TMEM232: variants seen among roughly 807,000 people sequenced by gnomAD.
The protein encoded by TMEM232 is transmembrane protein 232.
TMEM232 carries 80 observed loss-of-function variants against 78.8 expected under a neutral mutation model. The observed-to-expected ratio is 1.01, with a 90% CI of 0.85 to 1.22. The LOEUF (loss-of-function observed/expected upper bound fraction) is 1.22. Among genes scored for constraint, TMEM232 ranks in the 50% most tolerant of loss-of-function variants. TMEM232 has a pLI of 0.00. For synonymous variants in TMEM232, 297 were observed against 254.3 expected, an observed-to-expected ratio of 1.17 and a Z score of -1.60; for missense variants, 881 against 742.2, an observed-to-expected ratio of 1.19 and a Z score of -2.17.
chr5:110,421,543 T>A (rs188753126), intron 13 of TMEM232, among the ~76,000 whole-genome samples: 2 of 152,124 alleles, frequency 1.3e-5, no homozygotes, highest in Admixed American at 1.3e-4. Flanking sequence ...TGACTCCTAG[T>A]ATGCAATATT....
chr5:110,412,880 T>A (rs1160304283), intron 2 of TMEM232, among the ~76,000 whole-genome samples: 1 of 152,202 alleles, frequency 6.6e-6, no homozygotes, highest in Non-Finnish European at 1.5e-5. Context: ...ATTAATTTTT[T>A]AAAAAAGTTT....
At chr5:110,625,072 T>C (rs1018778402) in intron 7 of TMEM232, among the ~76,000 whole-genome samples, 195 bp downstream of exon 7, 5 of 152,054 alleles carry the variant, frequency 3.3e-5, no homozygotes, top group Admixed American at 2.0e-4. Context: ...TACCTCCTAC[T>C]CATCCTATTA....
intron 12 of TMEM232, among the ~76,000 whole-genome samples, chr5:110,491,472 A>G (rs1765089690): frequency 6.6e-6 from 1 of 152,020 alleles, no homozygotes; most frequent in Non-Finnish European, 1.5e-5. Context: ...AAAAGAAAGT[A>G]GATGAGTGGC....
At chr5:110,639,877 G>A (rs994606205) in intron 4 of TMEM232, among the ~76,000 whole-genome samples, 1 of 152,176 alleles carries the variant, frequency 6.6e-6, no homozygotes, top group Non-Finnish European at 1.5e-5. Flanking sequence ...CTGCTGATCC[G>A]ACAGGAGGTG....
chr5:110,640,738 A>G (rs951022601), intron 4 of TMEM232, 153 bp downstream of exon 4: 4 of 428,348 alleles, frequency 9.3e-6, no homozygotes, highest in Non-Finnish European at 1.6e-5. Flanking sequence ...ATTCAAAATT[A>G]CAAAATGAAT....
At chr5:110,649,982 T>C (rs950479222) in intron 2 of TMEM232, among the ~76,000 whole-genome samples, 54 of 152,066 alleles carry the variant, frequency 3.6e-4, no homozygotes, top group Non-Finnish European at 7.1e-4. Flanking sequence ...AATAGAAATA[T>C]TTCATGAGTT....
intron 2 of TMEM232, among the ~76,000 whole-genome samples, chr5:110,398,421 G>T (rs926466470): frequency 6.6e-6 from 1 of 152,120 alleles, no homozygotes; most frequent in African/African-American, 2.4e-5. Context: ...TCGCGTGCAG[G>T]TTCTGTAGAT....
At chr5:110,734,533 G>A (rs1206227685) in intron 2 of TMEM232, among the ~76,000 whole-genome samples, 3 of 152,200 alleles carry the variant, frequency 2.0e-5, no homozygotes, top group Non-Finnish European at 2.9e-5. Flanking sequence ...GAAAAATTAA[G>A]TCCAATAATT....
chr5:110,709,901 C>A (rs988711264), intron 1 of TMEM232, among the ~76,000 whole-genome samples: 4 of 151,416 alleles, frequency 2.6e-5, no homozygotes, highest in African/African-American at 9.7e-5. Context: ...CAGGTGAGAC[C>A]CAGTCTAATC....
At chr5:110,613,385 A>T (rs574118475) in intron 8 of TMEM232, among the ~76,000 whole-genome samples, 1 of 152,218 alleles carries the variant, frequency 6.6e-6, no homozygotes, top group African/African-American at 2.4e-5. Context: ...AGCACAAGCC[A>T]TTTTTGCCAC....
chr5:110,721,861 G>A (rs1181934523), intron 1 of TMEM232, among the ~76,000 whole-genome samples: 1 of 151,256 alleles, frequency 6.6e-6, no homozygotes, highest in Non-Finnish European at 1.5e-5. Flanking sequence ...CTTAGAAAAA[G>A]GAATCTTAGA....
intron 8 of TMEM232, among the ~76,000 whole-genome samples, chr5:110,614,522 G>A (rs1486578367): frequency 6.6e-6 from 1 of 151,980 alleles, no homozygotes; most frequent in South Asian, 2.1e-4. Flanking sequence ...TTAAATAGAC[G>A]TGGATGCAAT....
upstream of TMEM232, chr5:110,738,844 A>G (rs902845927): frequency 1.5e-6 from 1 of 661,674 alleles, no homozygotes; most frequent in Non-Finnish European, 2.4e-6. Flanking sequence ...TGTTTCATTA[A>G]TCCCACAACC....
At chr5:110,519,761 T>C (rs1044646346) in intron 12 of TMEM232, among the ~76,000 whole-genome samples, 3 of 151,784 alleles carry the variant, frequency 2.0e-5, no homozygotes, top group African/African-American at 7.3e-5. Flanking sequence ...AAATGTGGTA[T>C]ATATACACAA....
At chr5:110,432,096 T>G in intron 12 of TMEM232, among the ~76,000 whole-genome samples, 1 of 151,640 alleles carries the variant, frequency 6.6e-6, no homozygotes. Context: ...TTTGTAGAAG[T>G]AGAGAGGTTG....
intron 12 of TMEM232, among the ~76,000 whole-genome samples, chr5:110,448,985 G>A (rs535692039): frequency 4.5e-4 from 68 of 151,902 alleles, no homozygotes; most frequent in Middle Eastern, 3.4e-3. Flanking sequence ...AGAAGGCAAA[G>A]GAAAAACTAA....
At position 110,544,888 on chromosome 5, in the gene TMEM232, A is replaced by G. The variant is rs187700390; in HGVS notation, c.1456-16053T>C. ...TTATCAATGTAGTATCTCAGGCCCT[A>G]TCTTTGTCTGCACTTTATGGTTTTA... On this transcript the variant is annotated intron_variant, in intron 11 of 13. Coordinates refer to ENST00000455884, the MANE Select transcript of TMEM232 (RefSeq NM_001039763.4). Among the ~76,000 whole-genome samples the G allele has an allele frequency of 2.6e-5, 4 of 152,186 alleles. No individual in the cohort carries two copies. The East Asian group carries it at 7.7e-4, about 29-fold the overall frequency.
intron 10 of TMEM232, among the ~76,000 whole-genome samples, chr5:110,597,279 T>A (rs994259123): frequency 1.3e-5 from 2 of 152,102 alleles, no homozygotes; most frequent in African/African-American, 4.8e-5. Context: ...TCAAAGCGAA[T>A]AAAATACTTA....
At chr5:110,537,280 T>C (rs1005632833) in intron 11 of TMEM232, among the ~76,000 whole-genome samples, 4 of 141,686 alleles carry the variant, frequency 2.8e-5, no homozygotes, top group Admixed American at 6.7e-5. Flanking sequence ...AGAAAACTTA[T>C]ATATATATAT....
Sources: gnomAD v4.1 joint callset for allele counts (sites outside exome capture counted in the v4.1 genomes callset) on GRCh38, gnomAD v4.1.1 for gene constraint, MANE v1.5 for transcripts, NCBI Gene and HGNC (gene_info 2026-07-23, HGNC 2026-07-21) for gene names.